Variants in TRPA1 observed in about 807,000 individuals in gnomAD.
TRPA1 encodes transient receptor potential cation channel subfamily A member 1.
Under a neutral mutation model 131.3 loss-of-function variants are expected in TRPA1, and 129 were observed. That is an observed-to-expected ratio of 0.98 (90% CI 0.85 to 1.14). TRPA1 has a LOEUF of 1.14. Among genes scored for constraint, TRPA1 ranks in the 50% most tolerant of loss-of-function variants. TRPA1 has a pLI of 0.00. For synonymous variants in TRPA1, 441 were observed against 451.7 expected (o/e 0.98, Z 0.30); for missense variants, 1,304 against 1,354.2 (o/e 0.96, Z 0.58).
At chr8:72,047,647 G>A (rs933140051) in intron 15 of TRPA1, among the ~76,000 whole-genome samples, 1 of 152,022 alleles carries the variant, frequency 6.6e-6, no homozygotes, top group Non-Finnish European at 1.5e-5. Context: ...TTCCACACAT[G>A]AGTACTTAAT....
At chr8:72,034,227 C>T (rs1347258861) in intron 22 of TRPA1, 21 bp downstream of exon 22, 1 of 1,594,696 alleles carries the variant, frequency 6.3e-7, no homozygotes, top group Admixed American at 1.7e-5. Context: ...ACAAAATCAA[C>T]TACTGATGTA....
intron 21 of TRPA1, among the ~76,000 whole-genome samples, chr8:72,035,561 G>C (rs1346346011): frequency 6.6e-6 from 1 of 152,092 alleles, no homozygotes; most frequent in Admixed American, 6.5e-5. Flanking sequence ...AATAACATTG[G>C]CCTTGTTATT....
Position 72,063,495 on chromosome 8 carries a change from G to C in TRPA1, c.629C>G (p.Ser210Cys). Reference sequence around the variant, plus strand: ...TAGTATTATTTCCATGCATTCTTTGGAACCTGAAAATGCAGCTTGGTGAAT... The same window carrying C: ...TAGTATTATTTCCATGCATTCTTTGCAACCTGAAAATGCAGCTTGGTGAAT... ...FPIHQAAFSG[S>C]KECMEIILRF... The change falls in exon 5 of 27, where the codon TCC (serine) becomes TGC (cysteine). Residue 210 changes from serine to cysteine, a missense_variant. Ser to Cys is a moderately radical substitution (Grantham distance 112). Coordinates refer to ENST00000262209, the MANE Select transcript of TRPA1 (RefSeq NM_007332.3). 3 of 1,613,596 alleles carry C rather than the reference G, an allele frequency of 1.9e-6. No homozygotes were observed. The highest frequency in any genetic ancestry group is 2.5e-6 in the Non-Finnish European group (3 of 1,179,676).
chr8:72,051,786 A>G (rs1485215358), intron 14 of TRPA1, among the ~76,000 whole-genome samples: 1 of 152,234 alleles, frequency 6.6e-6, no homozygotes, highest in Non-Finnish European at 1.5e-5. Context: ...CTCTAACTTC[A>G]TCACTAAAAT....
At chr8:72,068,986 G>A (rs16937970) in intron 3 of TRPA1, 37 bp downstream of exon 3, 237,903 of 1,612,400 alleles carry the variant, frequency 0.15, 18,742 homozygotes, top group Middle Eastern at 0.24. Flanking sequence ...CACCTGCACC[G>A]CCGGTCAGGC....
chr8:72,080,882 G>C, the TRPA1 span, among the ~76,000 whole-genome samples: 1 of 151,662 alleles, frequency 6.6e-6, no homozygotes, highest in Non-Finnish European at 1.5e-5. Flanking sequence ...GTTTCTTGTA[G>C]GGTGTGTAAT....
chr8:72,055,410 TA>T lies in TRPA1; in HGVS notation c.1529+25del, dbSNP rs376155974. 738 of 1,605,898 alleles carry T rather than the reference TA, an allele frequency of 4.6e-4. 10 individuals carry two copies. In the African/African-American group the frequency reaches 8.4e-3, roughly 18 times the overall value. On this transcript the variant is annotated intron_variant, in intron 12 of 26. Coordinates refer to ENST00000262209, the MANE Select transcript of TRPA1 (RefSeq NM_007332.3). ...AAAATGGCTAATTAAAGAAATTATA[TA>T]AACACTCCAATCATATATCCTCACC...
At chr8:72,083,319 T>C in the TRPA1 span, among the ~76,000 whole-genome samples, 1 of 152,194 alleles carries the variant, frequency 6.6e-6, no homozygotes, top group East Asian at 1.9e-4. Context: ...TTTGTTCCTT[T>C]TTTCCTCTTT....
chr8:72,030,868 C>G (rs894002141), intron 23 of TRPA1, among the ~76,000 whole-genome samples: 2 of 152,206 alleles, frequency 1.3e-5, no homozygotes, highest in Non-Finnish European at 2.9e-5. Context: ...TGGGGGGAAG[C>G]TGTTAGCTCA....
At chr8:72,025,874 T>G in intron 25 of TRPA1, 86 bp downstream of exon 25, 6 of 1,164,566 alleles carry the variant, frequency 5.2e-6, no homozygotes, top group Non-Finnish European at 7.6e-6. Flanking sequence ...TCAAAGTCTA[T>G]AAAAGGGCCC....
intron 14 of TRPA1, 127 bp downstream of exon 14, chr8:72,052,471 TA>T: frequency 8.5e-7 from 1 of 1,173,694 alleles, no homozygotes; most frequent in Non-Finnish European, 1.2e-6. Context: ...AAAATTGATG[TA>T]AACAACTGAT....
chr8:72,071,537 C>G (rs1806060221), intron 2 of TRPA1, among the ~76,000 whole-genome samples, 174 bp downstream of exon 2: 1 of 152,120 alleles, frequency 6.6e-6, no homozygotes, highest in South Asian at 2.1e-4. Context: ...TGCAGTATTT[C>G]AGTAGAAGAA....
the TRPA1 span, among the ~76,000 whole-genome samples, chr8:72,083,797 G>A: frequency 1.3e-5 from 2 of 151,856 alleles, no homozygotes; most frequent in African/African-American, 4.8e-5. Context: ...AACTTTCTCG[G>A]GCTTAAACTG....
intron 2 of TRPA1, among the ~76,000 whole-genome samples, chr8:72,070,138 T>C (rs571029279): frequency 6.6e-6 from 1 of 152,348 alleles, no homozygotes; most frequent in Non-Finnish European, 1.5e-5. Flanking sequence ...ATAAGCCTTG[T>C]AAATTGGTGG....
chr8:72,047,272 C>A (rs1168261908), intron 15 of TRPA1, 65 bp from the exon 16 acceptor site: 1 of 1,218,942 alleles, frequency 8.2e-7, no homozygotes, highest in African/African-American at 1.5e-5. Flanking sequence ...AAGATTTTAT[C>A]CTATTTCTGA....
chr8:72,080,875 T>C, the TRPA1 span, among the ~76,000 whole-genome samples: 1 of 151,828 alleles, frequency 6.6e-6, no homozygotes, highest in South Asian at 2.1e-4. Flanking sequence ...TCAATCAGTT[T>C]CTTGTAGGGT....
intron 21 of TRPA1, among the ~76,000 whole-genome samples, chr8:72,035,016 G>T (rs189058814): frequency 5.7e-4 from 87 of 152,306 alleles, no homozygotes; most frequent in Admixed American, 2.0e-3. Flanking sequence ...TTGTGAACTG[G>T]AAGTCACCTA....
At chr8:72,027,972 G>A (rs1213251509) in intron 24 of TRPA1, among the ~76,000 whole-genome samples, 1 of 152,056 alleles carries the variant, frequency 6.6e-6, no homozygotes, top group East Asian at 1.9e-4. Flanking sequence ...CCCCAATTTT[G>A]CTTGTATTAT....
Position 72,022,956 on chromosome 8 carries a change from T to TC in TRPA1, c.3309dup (p.Asn1104GlufsTer15). The stretch of plus-strand genomic sequence containing the variant: ...GCCTTGACTGCTCTCAACACAGTAT[T>TC]CCATCTGCTATTCCTTTGTTCCATC... On this transcript the variant is annotated frameshift_variant, in exon 27 of 27. Coordinates refer to ENST00000262209, the MANE Select transcript of TRPA1 (RefSeq NM_007332.3). LOFTEE classifies it high-confidence loss of function. 6.2e-7 allele frequency: 1 copy of TC among 1,613,856 alleles called. No homozygotes were observed. The highest frequency in any genetic ancestry group is 8.5e-7 in the Non-Finnish European group (1 of 1,179,836).
Sources: allele counts gnomAD v4.1 joint callset (sites outside exome capture counted in the v4.1 genomes callset), GRCh38; gene constraint gnomAD v4.1.1; transcripts MANE v1.5; gene names NCBI Gene and HGNC (gene_info 2026-07-23, HGNC 2026-07-21).